The following STOX2 variants were observed in gnomAD, a reference collection of about 807,000 sequenced individuals.
STOX2 encodes storkhead box 2, also known as storkhead-box protein 2.
Under a neutral mutation model 60.9 loss-of-function variants are expected in STOX2, and 28 were observed. That is an observed-to-expected ratio of 0.46 (90% CI 0.34 to 0.63). The LOEUF (loss-of-function observed/expected upper bound fraction) is 0.63. Among genes scored for constraint, STOX2 ranks in the 30% least tolerant of loss-of-function variants. The pLI is 0.01. For synonymous variants in STOX2, 472 were observed against 463.9 expected (o/e 1.02, Z -0.22); for missense variants, 1,024 against 1,187.7 (o/e 0.86, Z 2.03).
chr4:183,879,236 C>A (rs1408413525), intron 1 of STOX2, among the ~76,000 whole-genome samples: 1 of 152,226 alleles, frequency 6.6e-6, no homozygotes, highest in Admixed American at 6.5e-5. Context: ...CTCACTGCCA[C>A]CCTCTCTCTC....
chr4:183,884,388 A>G (rs1231754447), intron 1 of STOX2, among the ~76,000 whole-genome samples: 1 of 151,208 alleles, frequency 6.6e-6, no homozygotes, highest in Non-Finnish European at 1.5e-5. Flanking sequence ...AAAATATTTT[A>G]TTGGTTTGGG....
At chr4:183,848,604 GC>G (rs1441962316) in intron 1 of STOX2, among the ~76,000 whole-genome samples, 3 of 152,232 alleles carry the variant, frequency 2.0e-5, no homozygotes, top group Non-Finnish European at 4.4e-5. Flanking sequence ...CGTTAGGTGG[GC>G]AGTGGACAAT....
In STOX2 at chr4:184,009,715, GAA is replaced by G; in HGVS notation, c.878_879del (p.Glu293GlyfsTer23). 1 of 1,613,814 alleles carries G rather than the reference GAA, an allele frequency of 6.2e-7. No individual in the cohort carries two copies. The highest frequency in any genetic ancestry group is 2.2e-5 in the East Asian group (1 of 44,892). ...CAATTTTTCTGCCCAGTTTCCTCCT[GAA>G]GAGTGGCCCCTGCGAGACGAGGACA... is the stretch of plus-strand genomic sequence containing the variant. ...LANFSAQFPP[E>X]EWPLRDEDTP... On this transcript the variant is annotated frameshift_variant, in exon 3 of 4. Transcript: ENST00000308497. LOFTEE classifies it high-confidence loss of function. This position sits in a 1 kb window ranked among gnomAD's most constrained non-coding sequence, Gnocchi z 4.0.
chr4:183,994,919 GA>G (rs1733266046), intron 1 of STOX2, among the ~76,000 whole-genome samples: 2 of 152,096 alleles, frequency 1.3e-5, no homozygotes, highest in African/African-American at 4.8e-5. Context: ...AATTCATATG[GA>G]ATGTTGGTGC....
chr4:183,904,279 CT>C (rs1160816530), upstream of STOX2, among the ~76,000 whole-genome samples: 3 of 152,222 alleles, frequency 2.0e-5, no homozygotes, highest in Non-Finnish European at 4.4e-5. Flanking sequence ...GGACTAGAAG[CT>C]GCACGGGGTC....
Position 183,897,358 on chromosome 4 carries a change from T to C in STOX2, c.364+99303T>C, listed in dbSNP as rs554539224. On this transcript the variant is annotated intron_variant, in intron 1 of 2. Coordinates refer to the STOX2 transcript ENST00000513034. ...GCCTGGGTGCTTCTGGCTTTGTAGA[T>C]GACTGTATTTTGGTGCTAGCTTTGC... Among the ~76,000 whole-genome samples the C allele has an allele frequency of 2.0e-3, 306 of 152,358 alleles. 1 individual carries two copies. The highest frequency in any genetic ancestry group is 7.2e-3 in the African/African-American group (298 of 41,588).
intron 1 of STOX2, among the ~76,000 whole-genome samples, chr4:183,925,297 A>C (rs889904044): frequency 6.6e-6 from 1 of 152,230 alleles, no homozygotes; most frequent in African/African-American, 2.4e-5. Flanking sequence ...CCAAATTGAA[A>C]GAGGTACAAC....
At chr4:183,843,279 C>A (rs1026723961) in intron 1 of STOX2, among the ~76,000 whole-genome samples, 4 of 151,982 alleles carry the variant, frequency 2.6e-5, no homozygotes, top group Admixed American at 6.6e-5. Context: ...AATCTCAGAA[C>A]CTTGGCCACA....
chr4:183,798,359 C>A (rs946081239), intron 1 of STOX2, among the ~76,000 whole-genome samples: 1 of 150,674 alleles, frequency 6.6e-6, no homozygotes, highest in African/African-American at 2.4e-5. Flanking sequence ...GCTCGGCGGG[C>A]GGCTCGGAGG....
intron 1 of STOX2, among the ~76,000 whole-genome samples, chr4:183,928,770 A>T (rs112086976): frequency 0.026 from 3,979 of 151,570 alleles, 174 homozygotes; most frequent in African/African-American, 0.091. Flanking sequence ...ACACCACTGC[A>T]CTCTCCAGCC....
At chr4:183,937,013 G>T (rs964614316) in intron 1 of STOX2, among the ~76,000 whole-genome samples, 3 of 152,170 alleles carry the variant, frequency 2.0e-5, no homozygotes, top group Non-Finnish European at 4.4e-5. Context: ...TTTGAAATGG[G>T]CATTGTAAAT....
intron 2 of STOX2, among the ~76,000 whole-genome samples, chr4:184,006,873 G>A (rs1326779867): frequency 3.3e-5 from 5 of 150,524 alleles, no homozygotes; most frequent in South Asian, 2.1e-4. Flanking sequence ...AAAATTAGCT[G>A]GGCGTAGTGG....
At chr4:183,901,492 T>A (rs1387516282), upstream of STOX2, among the ~76,000 whole-genome samples, 1 of 152,172 alleles carries the variant, frequency 6.6e-6, no homozygotes, top group East Asian at 1.9e-4. Context: ...GTTGCCATAC[T>A]GTTTTCCACA....
chr4:184,016,972 A>G (rs1734399321), intron 3 of STOX2, 117 bp from the exon 4 acceptor site: 2 of 824,258 alleles, frequency 2.4e-6, no homozygotes, highest in Non-Finnish European at 3.7e-6. Context: ...TATTGATATG[A>G]CATTATGAAC....
intron 1 of STOX2, among the ~76,000 whole-genome samples, chr4:183,878,367 A>G (rs1253083889): frequency 1.3e-5 from 2 of 152,222 alleles, no homozygotes; most frequent in African/African-American, 4.8e-5. Flanking sequence ...GTTTTTTGAA[A>G]CAGCTATTAC....
chr4:183,821,702 C>T lies in STOX2; in HGVS notation c.364+23647C>T, dbSNP rs1739305994. Among the ~76,000 whole-genome samples, 1 of 152,216 alleles carries T rather than the reference C, an allele frequency of 6.6e-6. No homozygotes were observed. Among genetic ancestry groups the T allele is most frequent in the Admixed American group, 6.5e-5 (1 of 15,284 alleles). ...CTGTCCCCACTGTCACACCCCACCA[C>T]CTCCCTTTTGAGCCCTGCCTAGAGG... On this transcript the variant is annotated intron_variant, in intron 1 of 2. Transcript: ENST00000513034. This position sits in a 1 kb window ranked among gnomAD's most constrained non-coding sequence, Gnocchi z 4.2.
intron 1 of STOX2, among the ~76,000 whole-genome samples, chr4:183,927,686 G>A (rs1363812491): frequency 6.6e-6 from 1 of 152,168 alleles, no homozygotes; most frequent in Non-Finnish European, 1.5e-5. Flanking sequence ...TGGTCAGGAG[G>A]TTGCCAACTG....
chr4:183,846,431 CTT>C (rs1739992994), intron 1 of STOX2, among the ~76,000 whole-genome samples: 1 of 152,238 alleles, frequency 6.6e-6, no homozygotes, highest in East Asian at 1.9e-4. Flanking sequence ...CCACAGGCCT[CTT>C]TGGTTCTGTT....
intron 1 of STOX2, among the ~76,000 whole-genome samples, chr4:183,981,196 A>G (rs1256406220): frequency 6.6e-6 from 1 of 152,238 alleles, no homozygotes; most frequent in South Asian, 2.1e-4. Flanking sequence ...CTAAAGGGTC[A>G]GTTCACTTGT....
Sources: allele counts gnomAD v4.1 joint callset (sites outside exome capture counted in the v4.1 genomes callset), GRCh38; gene constraint gnomAD v4.1.1; non-coding constraint Gnocchi (gnomAD v3.1); transcripts MANE v1.5; gene names NCBI Gene and HGNC (gene_info 2026-07-23, HGNC 2026-07-21).